Variants in MYO16 observed in about 807,000 individuals in gnomAD.
MYO16 encodes the protein myosin XVI.
In MYO16, 94 loss-of-function variants were observed where a neutral mutation model predicts 205.3. That is an observed-to-expected ratio of 0.46 (90% CI 0.39 to 0.54). The LOEUF (loss-of-function observed/expected upper bound fraction) is 0.54. Among genes scored for constraint, MYO16 ranks in the 20% least tolerant of loss-of-function variants. The pLI is 0.00. For synonymous variants in MYO16, 988 were observed against 954.0 expected (o/e 1.04, Z -0.66); for missense variants, 2,315 against 2,387.5 (o/e 0.97, Z 0.63).
intron 1 of MYO16, among the ~76,000 whole-genome samples, chr13:108,613,195 C>T (rs191100865): frequency 9.2e-5 from 14 of 152,262 alleles, no homozygotes; most frequent in African/African-American, 3.1e-4. Context: ...TTGATTTCAG[C>T]ATTTTCTGAA....
At chr13:108,585,390 C>A in the MYO16 span, among the ~76,000 whole-genome samples, 2 of 152,136 alleles carry the variant, frequency 1.3e-5, no homozygotes, top group Admixed American at 6.6e-5. Flanking sequence ...GTCTAAAGAT[C>A]TGGGATCCAT....
rs79990749 is a variant in MYO16, at chr13:108,949,282, C to G, written c.1926-8406C>G. On this transcript the variant is annotated intron_variant, in intron 16 of 34. Transcript: ENST00000457511. ...TCAGGCTTTGTGAAAAAGGGGAGTG[C>G]GAAGAACCAAGGAGCTTAAAAAGCA... 6.8e-3 allele frequency among the ~76,000 whole-genome samples: 1,031 copies of G among 152,032 alleles called. 11 individuals are homozygous for G. Among genetic ancestry groups the G allele is most frequent in the African/African-American group, 0.023 (933 of 41,464 alleles).
In MYO16 at chr13:109,140,496, C is replaced by A; in HGVS notation, c.4284C>A (p.Asp1428Glu). The stretch of plus-strand genomic sequence containing the variant: ...CGGCGGCGCCTCCGGGTGACGAGGA[C>A]GACAGCGAGCCTGTGTACATCGAGA... The part of the protein sequence containing the change: ...LPPAAPPGDE[D>E]DSEPVYIEML... The change falls in exon 32 of 35, where the codon GAC becomes GAA. Residue 1428 changes from aspartate (D) to glutamate (E), a missense_variant. Coordinates refer to ENST00000457511, the MANE Select transcript of MYO16 (RefSeq NM_001198950.3). This position sits in a 1 kb window ranked among gnomAD's most constrained non-coding sequence, Gnocchi z 8.0. 6.5e-7 allele frequency: 1 copy of A among 1,546,368 alleles called. No homozygotes were observed. The highest frequency in any genetic ancestry group is 1.2e-5 in the South Asian group (1 of 85,072).
intron 16 of MYO16, among the ~76,000 whole-genome samples, chr13:108,940,743 A>G (rs1594412306): frequency 6.6e-6 from 1 of 152,256 alleles, no homozygotes; most frequent in Non-Finnish European, 1.5e-5. Context: ...CACCAGCTGC[A>G]CTGCCACAAT....
Position 109,179,618 on chromosome 13 carries a change from C to T in MYO16, c.5400C>T (p.Asp1800=), listed in dbSNP as rs1461497842. The T allele has an allele frequency of 6.2e-7, 1 of 1,612,702 alleles. No individual in the cohort carries two copies. Among genetic ancestry groups the T allele is most frequent in the Non-Finnish European group, 8.5e-7 (1 of 1,178,742 alleles). The change falls in exon 34 of 35, where the codon GAC becomes GAT. Residue 1800 remains aspartate (D), a synonymous_variant. Transcript: ENST00000457511. The part of the protein sequence containing the change: ...TGTSTFQRHR[D]SHTTQVIHQL... ...CTTCGACATTTCAAAGACACAGGGA[C>T]AGTCACACCACTCAGGTAATGATGT... is the stretch of plus-strand genomic sequence containing the variant.
At chr13:108,663,997 T>C (rs1046392751) in intron 1 of MYO16, among the ~76,000 whole-genome samples, 1 of 152,208 alleles carries the variant, frequency 6.6e-6, no homozygotes, top group Non-Finnish European at 1.5e-5. Context: ...TAATGAGCTT[T>C]CTCATACAAT....
chr13:108,995,297 A>T (rs1288050759), intron 21 of MYO16, among the ~76,000 whole-genome samples: 1 of 152,132 alleles, frequency 6.6e-6, no homozygotes, highest in African/African-American at 2.4e-5. Flanking sequence ...AAGGGCACTA[A>T]TCTCACTCGG....
the MYO16 span, among the ~76,000 whole-genome samples, chr13:108,535,950 C>A: frequency 2.5e-4 from 38 of 152,236 alleles, no homozygotes; most frequent in East Asian, 6.8e-3. Flanking sequence ...AAGAAAACTT[C>A]ACTTTTGTGG....
chr13:108,614,287 A>G (rs1465888237), intron 1 of MYO16, among the ~76,000 whole-genome samples: 2 of 152,120 alleles, frequency 1.3e-5, no homozygotes, highest in African/African-American at 4.8e-5. Context: ...CATGATTTGT[A>G]CATTTAAAAC....
intron 16 of MYO16, among the ~76,000 whole-genome samples, chr13:108,953,507 CTATTTTTAATA>C (rs1173379217): frequency 1.3e-5 from 2 of 151,362 alleles, no homozygotes; most frequent in Admixed American, 6.6e-5. Flanking sequence ...ATTTTTAAAC[CTATTTTTAATA>C]TATTTTTACT....
intron 34 of MYO16, among the ~76,000 whole-genome samples, chr13:109,180,564 C>T (rs145518572): frequency 1.3e-5 from 2 of 152,166 alleles, no homozygotes; most frequent in Non-Finnish European, 2.9e-5. Flanking sequence ...ACGAAATCAA[C>T]TATACAGCTA....
chr13:109,102,375 A>T (rs1288040913), intron 28 of MYO16, among the ~76,000 whole-genome samples: 2 of 152,186 alleles, frequency 1.3e-5, no homozygotes, highest in Non-Finnish European at 2.9e-5. Flanking sequence ...ATAAGTAATT[A>T]TATAGTAGTA....
intron 20 of MYO16, among the ~76,000 whole-genome samples, chr13:108,967,694 T>TA (rs528945434): frequency 1.2e-3 from 178 of 152,246 alleles, no homozygotes; most frequent in Middle Eastern, 6.8e-3. Flanking sequence ...ATAACAGTAA[T>TA]AAAAAAATAG....
intron 2 of MYO16, among the ~76,000 whole-genome samples, chr13:108,711,102 T>C (rs7995794): frequency 0.99 from 150,701 of 152,250 alleles, 74,593 homozygotes; most frequent in Middle Eastern, 1. Context: ...AGAGAAAGGG[T>C]GGGGGGAAGA....
intron 16 of MYO16, among the ~76,000 whole-genome samples, chr13:108,919,352 T>G (rs79796122): frequency 0.07 from 10,665 of 152,324 alleles, 529 homozygotes; most frequent in Middle Eastern, 0.22. Context: ...TATTTTGAAT[T>G]TCAATTTAAC....
intron 1 of MYO16, among the ~76,000 whole-genome samples, chr13:108,639,272 A>T (rs1473467665): frequency 6.6e-6 from 1 of 152,186 alleles, no homozygotes; most frequent in Non-Finnish European, 1.5e-5. Flanking sequence ...GTCTGACTAG[A>T]GAGGTATTTA....
chr13:108,508,313 C>T, the MYO16 span, among the ~76,000 whole-genome samples: 1 of 151,254 alleles, frequency 6.6e-6, no homozygotes, highest in African/African-American at 2.4e-5. Flanking sequence ...CTGAGGAAGA[C>T]TTTCACTAGT....
intron 1 of MYO16, among the ~76,000 whole-genome samples, chr13:108,638,165 C>T (rs898500010): frequency 4.6e-5 from 7 of 152,024 alleles, no homozygotes; most frequent in Non-Finnish European, 8.8e-5. Context: ...GAGTCAGCAA[C>T]GTGAAGACCT....
intron 16 of MYO16, among the ~76,000 whole-genome samples, chr13:108,911,872 C>T (rs1036687827): frequency 5.3e-5 from 8 of 152,192 alleles, no homozygotes; most frequent in Admixed American, 5.2e-4. Flanking sequence ...ATGCACTGAA[C>T]AAGGGATATG....
Sources: gnomAD v4.1 joint callset for allele counts (sites outside exome capture counted in the v4.1 genomes callset) on GRCh38, gnomAD v4.1.1 for gene constraint, Gnocchi (gnomAD v3.1) non-coding constraint, MANE v1.5 for transcripts, NCBI Gene and HGNC (gene_info 2026-07-23, HGNC 2026-07-21) for gene names.